COL5A1: variants seen among roughly 807,000 people sequenced by gnomAD.
COL5A1 encodes collagen alpha-1(V) chain.
Under a neutral mutation model 263.7 loss-of-function variants are expected in COL5A1, and 16 were observed. The ratio of observed to expected loss-of-function variants is 0.06; its 90% CI spans 0.04 to 0.09. The LOEUF is 0.09. COL5A1 is among the 10% of genes least tolerant of loss of function. The pLI, the probability that COL5A1 is intolerant of heterozygous loss-of-function variation, is 1.00. For missense variants in COL5A1, 2,036 were observed against 2,540.5 expected (o/e 0.80, Z 4.27); for synonymous variants, 1,012 against 1,004.5 (o/e 1.01, Z -0.14).
intron 1 of COL5A1, among the ~76,000 whole-genome samples, chr9:134,661,973 G>A (rs1032574120): frequency 1.3e-5 from 2 of 152,140 alleles, no homozygotes; most frequent in African/African-American, 4.8e-5. Flanking sequence ...GCTGAAAGCC[G>A]CCTTCTCTGG....
Position 134,768,460 on chromosome 9 carries a change from C to T in COL5A1, c.2283C>T (p.Pro761=). ...GLPGMPGADG[P]PGHPGKEGPP... is the part of the protein sequence containing the mutation. ...CAGGAATGCCCGGTGCTGACGGACC[C>T]CCGGTGAGTAGCCCTGCCCACCTCA... The change falls in exon 25 of 66, where the codon CCC becomes CCT. Residue 761 remains proline (P), a synonymous_variant. Transcript: ENST00000371817. 1 of 1,613,954 alleles carries T rather than the reference C, an allele frequency of 6.2e-7. No homozygotes were observed. The highest frequency in any genetic ancestry group is 1.7e-5 in the Admixed American group (1 of 60,024).
Position 134,702,799 on chromosome 9 carries a change from G to A in COL5A1, c.654+1466G>A, listed in dbSNP as rs187674000. On this transcript the variant is annotated intron_variant, in intron 4 of 65. Transcript: ENST00000371817. ...TGTCGATTGTTGGATTTGGGCCTCG[G>A]GCAAGCTGCTCTGCTATTTCTCTGT... 4.5e-3 allele frequency among the ~76,000 whole-genome samples: 685 copies of A among 152,326 alleles called. 3 individuals are homozygous for A. Among genetic ancestry groups the A allele is most frequent in the Admixed American group, 8.9e-3 (137 of 15,308 alleles).
Position 134,696,560 on chromosome 9 carries a change from C to A in COL5A1, c.278-3349C>A, listed in dbSNP as rs962823189. Among the ~76,000 whole-genome samples, 1 of 152,242 alleles carries A rather than the reference C, an allele frequency of 6.6e-6. No individual in the cohort carries two copies. Among genetic ancestry groups the A allele is most frequent in the Non-Finnish European group, 1.5e-5 (1 of 68,048 alleles). ...CACTTTCTGAGGTCAGGGACCATAT[C>A]TGTCCTTTGACTGTGTCACCCCAGC... On this transcript the variant is annotated intron_variant, in intron 2 of 65. Coordinates refer to ENST00000371817, the MANE Select transcript of COL5A1 (RefSeq NM_000093.5). The surrounding 1 kb of genome is among the most constrained non-coding windows in gnomAD (Gnocchi z 4.3).
At chr9:134,799,335 A>G (rs1041427526) in intron 37 of COL5A1, among the ~76,000 whole-genome samples, 1 of 152,214 alleles carries the variant, frequency 6.6e-6, no homozygotes, top group East Asian at 1.9e-4. Flanking sequence ...GCCCACACCT[A>G]CAAGCTTGGG....
chr9:134,678,881 G>A lies in COL5A1; in HGVS notation c.110-12031G>A, dbSNP rs1453200172. Among the ~76,000 whole-genome samples, 1 of 152,228 alleles carries A rather than the reference G, an allele frequency of 6.6e-6. No individual in the cohort carries two copies. The highest frequency in any genetic ancestry group is 1.5e-5 in the Non-Finnish European group (1 of 68,038). ...CCTGGGAAGAGGGAGCAGGGATCAGGCTGGTTGGTGTTACCCCCTGCTGGG... is the reference window on the plus strand; with the variant it reads ...CCTGGGAAGAGGGAGCAGGGATCAGACTGGTTGGTGTTACCCCCTGCTGGG... On this transcript the variant is annotated intron_variant, in intron 1 of 65. Coordinates refer to ENST00000371817, the MANE Select transcript of COL5A1 (RefSeq NM_000093.5). This position sits in a 1 kb window ranked among gnomAD's most constrained non-coding sequence, Gnocchi z 5.5.
Position 134,668,562 on chromosome 9 carries a change from G to GCATCCATC in COL5A1, c.110-22341_110-22334dup, listed in dbSNP as rs1261036676. Among the ~76,000 whole-genome samples, 3 of 142,276 alleles carry GCATCCATC rather than the reference G, an allele frequency of 2.1e-5. No individual in the cohort carries two copies. The East Asian group carries it at 5.9e-4, about 28-fold the overall frequency. The allele number at this position is 142,276 out of a possible 152,430, so 93.3% of individuals were successfully genotyped here. On this transcript the variant is annotated intron_variant, in intron 1 of 65. Coordinates refer to ENST00000371817, the MANE Select transcript of COL5A1 (RefSeq NM_000093.5). ...TTTACCCACCCATTCATCCATCAAT[G>GCATCCATC]CATCCATCCATCCATCTATCTACTT...
chr9:134,742,865 C>G lies in COL5A1; in HGVS notation c.1494+4057C>G, dbSNP rs542463448. 7.6e-4 allele frequency among the ~76,000 whole-genome samples: 115 copies of G among 152,198 alleles called. No homozygotes were observed. The highest frequency in any genetic ancestry group is 3.2e-3 in the Middle Eastern group (1 of 316). On this transcript the variant is annotated intron_variant, in intron 11 of 65. Transcript: ENST00000371817. The surrounding 1 kb of genome is among the most constrained non-coding windows in gnomAD (Gnocchi z 4.6). ...TGAGCAGTGTTTGCCCAGCGAAGCCCTTCCCTGGGCTCCTCGGGCAGGTGG... is the reference window on the plus strand; with the variant it reads ...TGAGCAGTGTTTGCCCAGCGAAGCCGTTCCCTGGGCTCCTCGGGCAGGTGG...
Position 134,754,296 on chromosome 9 carries a change from G to A in COL5A1, c.1797G>A (p.Pro599=), listed in dbSNP as rs201463583. The change falls in exon 16 of 66, where the codon CCG becomes CCA. Residue 599 remains proline, a synonymous_variant. Coordinates refer to ENST00000371817, the MANE Select transcript of COL5A1 (RefSeq NM_000093.5). This position sits in a 1 kb window ranked among gnomAD's most constrained non-coding sequence, Gnocchi z 4.3. ...AGGGTCCTCGAGGTGTGCAAGGCCC[G>A]CCTGGTCCGGCCGGGAAGCCCGGAA... ...GPQGPRGVQG[P]PGPAGKPGRR... is the part of the protein sequence containing the mutation. The A allele has an allele frequency of 2.8e-5, 45 of 1,613,992 alleles. No homozygotes were observed. In the East Asian group the frequency reaches 7.8e-4, roughly 28 times the overall value.
chr9:134,766,860 C>A, intron 22 of COL5A1, 140 bp from the exon 23 acceptor site: 1 of 845,234 alleles, frequency 1.2e-6, no homozygotes, highest in Non-Finnish European at 2.0e-6. Flanking sequence ...TGGGACCCGG[C>A]CGCCTTTCCC....
In COL5A1 at chr9:134,811,503, C is replaced by T. The variant is rs146176718; in HGVS notation, c.3594C>T (p.Gly1198=). The change falls in exon 46 of 66, where the codon GGC becomes GGT. Residue 1198 remains glycine (G), a synonymous_variant. Coordinates refer to ENST00000371817, the MANE Select transcript of COL5A1 (RefSeq NM_000093.5). ...TTATTTCCCTGCAGGGAGCTGACGG[C>T]GAGCCGGGGCCTCGGGGCCAGCAGG... ...IGQPGPSGAD[G]EPGPRGQQGL... The T allele has an allele frequency of 5.3e-5, 86 of 1,612,598 alleles. No homozygotes were observed. The Admixed American group carries it at 7.2e-4, about 14-fold the overall frequency.
At chr9:134,712,321 TCC>T in intron 4 of COL5A1, among the ~76,000 whole-genome samples, 1 of 38,890 alleles carries the variant, frequency 2.6e-5, no homozygotes, top group Non-Finnish European at 4.8e-5. Flanking sequence ...CCCCCCTCCT[TCC>T]TGTCCCCCTC....
At chr9:134,836,328 A>C (rs971256272) in intron 65 of COL5A1, among the ~76,000 whole-genome samples, 1 of 152,224 alleles carries the variant, frequency 6.6e-6, no homozygotes, top group African/African-American at 2.4e-5. Context: ...CTTTTTAACA[A>C]TCAGCTCTCA....
chr9:134,760,601 C>CACGTA (rs1836353171), intron 18 of COL5A1, among the ~76,000 whole-genome samples: 1 of 121,432 alleles, frequency 8.2e-6, no homozygotes, highest in East Asian at 3.0e-4. Flanking sequence ...TGCACACACA[C>CACGTA]CACACATGCA....
At chr9:134,739,545 G>A (rs570737812) in intron 11 of COL5A1, among the ~76,000 whole-genome samples, 19 of 152,340 alleles carry the variant, frequency 1.2e-4, no homozygotes, top group Admixed American at 1.2e-3. Context: ...GTGTTGTGGT[G>A]GGTGGATGCA....
intron 42 of COL5A1, among the ~76,000 whole-genome samples, chr9:134,806,625 C>T (rs1368972765): frequency 1.3e-5 from 2 of 152,148 alleles, no homozygotes; most frequent in East Asian, 1.9e-4. Flanking sequence ...AGGAAGGGGC[C>T]GAAGACAGTC....
Position 134,801,863 on chromosome 9 carries a change from G to C in COL5A1, c.2953-91G>C, listed in dbSNP as rs527407849. 9 of 1,070,852 alleles carry C rather than the reference G, an allele frequency of 8.4e-6. No individual in the cohort carries two copies. In the African/African-American group the frequency reaches 1.1e-4, roughly 13 times the overall value. 66.3% of individuals were successfully genotyped at this position (1,070,852 alleles called of 1,614,324 possible). On this transcript the variant is annotated intron_variant, in intron 37 of 65. Coordinates refer to ENST00000371817, the MANE Select transcript of COL5A1 (RefSeq NM_000093.5). ...GAACATCTACTCTGGGGGGAAGGGA[G>C]GTGGGGGGCAAGCGTCCTGCTGAGA...
intron 11 of COL5A1, among the ~76,000 whole-genome samples, chr9:134,746,983 A>G (rs1437219043): frequency 1.3e-5 from 2 of 152,216 alleles, no homozygotes; most frequent in African/African-American, 4.8e-5. Flanking sequence ...CGTGTCTTTC[A>G]GCCCAGGGGT....
intron 1 of COL5A1, among the ~76,000 whole-genome samples, chr9:134,662,775 A>G (rs1832248907): frequency 6.6e-6 from 1 of 152,206 alleles, no homozygotes; most frequent in South Asian, 2.1e-4. Context: ...GCTAACTCGC[A>G]TGAAACCCTC....
At chr9:134,783,627 C>T (rs1019033105) in intron 29 of COL5A1, among the ~76,000 whole-genome samples, 6 of 152,296 alleles carry the variant, frequency 3.9e-5, no homozygotes, top group South Asian at 2.1e-4. Flanking sequence ...ACCCAGCTGC[C>T]GCAGTCATCC....
Sources: allele counts gnomAD v4.1 joint callset (sites outside exome capture counted in the v4.1 genomes callset), GRCh38; gene constraint gnomAD v4.1.1; non-coding constraint Gnocchi (gnomAD v3.1); transcripts MANE v1.5; gene names NCBI Gene and HGNC (gene_info 2026-07-23, HGNC 2026-07-21).